Variants in MALRD1 observed in about 807,000 individuals in gnomAD.
MALRD1 encodes MAM and LDL receptor class A domain containing 1.
Under a neutral mutation model 242.1 loss-of-function variants are expected in MALRD1, and 247 were observed. That is an observed-to-expected ratio of 1.02 (90% confidence interval 0.92 to 1.13). MALRD1 has a LOEUF of 1.13. MALRD1 is among the 50% of genes most tolerant of loss of function. The probability of loss-of-function intolerance (pLI) is 0.00; values close to 1 mark genes in which losing one functional copy is unlikely to be tolerated. For missense variants in MALRD1, 2,989 were observed against 2,533.1 expected (o/e 1.18, Z -3.86); for synonymous variants, 995 against 866.6 (o/e 1.15, Z -2.60).
intron 32 of MALRD1, among the ~76,000 whole-genome samples, chr10:19,541,226 G>A (rs901353011): frequency 1.3e-5 from 2 of 152,128 alleles, no homozygotes; most frequent in African/African-American, 4.8e-5. Context: ...CATGGCCATT[G>A]TTTTTACAAG....
chr10:19,274,464 AAGAC>A (rs1840403023), intron 19 of MALRD1, among the ~76,000 whole-genome samples: 2 of 152,200 alleles, frequency 1.3e-5, no homozygotes, highest in African/African-American at 4.8e-5. Context: ...CCTTTATAAA[AAGAC>A]AGGAGAGAGC....
chr10:19,701,754 C>T (rs537868961), intron 38 of MALRD1, among the ~76,000 whole-genome samples: 45 of 127,276 alleles, frequency 3.5e-4, no homozygotes, highest in African/African-American at 1.3e-3. Flanking sequence ...CTCCCTTCCT[C>T]TCCCTTCCCC....
chr10:19,379,833 T>G (rs1845759928), intron 26 of MALRD1, among the ~76,000 whole-genome samples: 2 of 152,182 alleles, frequency 1.3e-5, no homozygotes, highest in Non-Finnish European at 2.9e-5. Context: ...ATACATTTAC[T>G]TTCTGTTTTA....
intron 8 of MALRD1, among the ~76,000 whole-genome samples, chr10:19,130,845 A>G (rs1291403097): frequency 3.3e-5 from 5 of 152,176 alleles, no homozygotes; most frequent in East Asian, 3.8e-4. Context: ...ATTGGCTTCA[A>G]GTGTTACATC....
chr10:19,687,858 C>G (rs1842640061), intron 36 of MALRD1, among the ~76,000 whole-genome samples: 1 of 151,794 alleles, frequency 6.6e-6, no homozygotes, highest in Non-Finnish European at 1.5e-5. Flanking sequence ...TGGAGAAAAT[C>G]ACTGTAACAT....
At chr10:19,603,668 G>A (rs1388848379) in intron 34 of MALRD1, among the ~76,000 whole-genome samples, 1 of 152,134 alleles carries the variant, frequency 6.6e-6, no homozygotes, top group East Asian at 1.9e-4. Context: ...GATTGTCTTG[G>A]CAATGCGGGC....
At chr10:19,081,839 T>C (rs1835500923) in intron 2 of MALRD1, among the ~76,000 whole-genome samples, 1 of 152,044 alleles carries the variant, frequency 6.6e-6, no homozygotes, top group Non-Finnish European at 1.5e-5. Context: ...CTTTTGGTTA[T>C]TGTTTTTATA....
At position 19,327,573 on chromosome 10, in the gene MALRD1, A is replaced by G. The variant is rs1843188798; in HGVS notation, c.3587A>G (p.Lys1196Arg). 6.5e-7 allele frequency: 1 copy of G among 1,549,530 alleles called. No individual in the cohort carries two copies. The highest frequency in any genetic ancestry group is 8.7e-7 in the Non-Finnish European group (1 of 1,146,142). Residue 1196 changes from lysine to arginine, a missense_variant, in exon 23 of 40, where the codon AAG becomes AGG. Lys to Arg is a conservative substitution (Grantham distance 26). Coordinates refer to ENST00000454679, the MANE Select transcript of MALRD1 (RefSeq NM_001142308.3). ...GATTTATCTCTATAGGTGCTCATCA[A>G]GAAAGATAACGTTACTTCTAAATTG... ...ATVGSLQVLI[K>R]KDNVTSKLWA...
rs544128972 is a variant in MALRD1, at chr10:19,464,588, C to T, written c.5029+14098C>T. On this transcript the variant is annotated intron_variant, in intron 29 of 39. Transcript: ENST00000454679. ...GGTCTATGTTCCTATTTTTATACCA[C>T]TACCATGCTGTTTTGGTGACTATGG... 6.6e-5 allele frequency among the ~76,000 whole-genome samples: 10 copies of T among 152,214 alleles called. No homozygotes were observed. In the South Asian group the frequency reaches 2.1e-3, roughly 32 times the overall value.
intron 18 of MALRD1, among the ~76,000 whole-genome samples, chr10:19,236,569 T>C (rs1423083159): frequency 6.6e-6 from 1 of 152,162 alleles, no homozygotes; most frequent in African/African-American, 2.4e-5. Context: ...CCTCTCACTC[T>C]TACTTCCTAA....
At chr10:19,464,982 A>G (rs67506325) in intron 29 of MALRD1, among the ~76,000 whole-genome samples, 51,590 of 147,396 alleles carry the variant, frequency 0.35, 9,388 homozygotes, top group East Asian at 0.43. Context: ...GCTCTTGTAA[A>G]AGTGGTTGAG....
At chr10:19,250,278 T>C (rs186981191) in intron 18 of MALRD1, among the ~76,000 whole-genome samples, 7 of 152,140 alleles carry the variant, frequency 4.6e-5, no homozygotes, top group Admixed American at 3.3e-4. Context: ...TCAATAGCTC[T>C]GAACCTTCTT....
At chr10:19,206,598 T>C (rs1340009966) in intron 17 of MALRD1, among the ~76,000 whole-genome samples, 1 of 152,190 alleles carries the variant, frequency 6.6e-6, no homozygotes, top group Non-Finnish European at 1.5e-5. Context: ...AAAATACTTC[T>C]TGCGATTATG....
chr10:19,200,213 A>G (rs550644650), intron 14 of MALRD1, among the ~76,000 whole-genome samples: 1 of 152,314 alleles, frequency 6.6e-6, no homozygotes, highest in African/African-American at 2.4e-5. Flanking sequence ...GTATTAACAG[A>G]TGTTTTTCAC....
chr10:19,589,856 T>G (rs1201222732), intron 33 of MALRD1, among the ~76,000 whole-genome samples: 3 of 152,214 alleles, frequency 2.0e-5, no homozygotes, highest in African/African-American at 7.2e-5. Flanking sequence ...TATTTTCGTT[T>G]GCTTTCCTGA....
chr10:19,374,577 C>T (rs578026953), intron 26 of MALRD1, among the ~76,000 whole-genome samples: 3 of 152,220 alleles, frequency 2.0e-5, no homozygotes, highest in East Asian at 1.9e-4. Flanking sequence ...AAATGACATG[C>T]GTATAGTTTC....
chr10:19,661,025 C>T (rs1172668689), intron 36 of MALRD1, among the ~76,000 whole-genome samples: 1 of 152,104 alleles, frequency 6.6e-6, no homozygotes, highest in Non-Finnish European at 1.5e-5. Flanking sequence ...CCAACAGACA[C>T]ATGAAAAAAT....
intron 11 of MALRD1, among the ~76,000 whole-genome samples, chr10:19,153,492 G>C (rs544954356): frequency 3.8e-4 from 58 of 152,170 alleles, no homozygotes; most frequent in Non-Finnish European, 6.9e-4. Context: ...AAGGCAGGAG[G>C]ATTGCTTGAG....
At chr10:19,176,385 T>TTTTA (rs1835242104) in intron 14 of MALRD1, among the ~76,000 whole-genome samples, 1 of 130,470 alleles carries the variant, frequency 7.7e-6, no homozygotes. Flanking sequence ...TTTTTTTTTT[T>TTTTA]GAGACGGAGT....
Sources: allele counts gnomAD v4.1 joint callset (sites outside exome capture counted in the v4.1 genomes callset), GRCh38; gene constraint gnomAD v4.1.1; transcripts MANE v1.5; gene names NCBI Gene and HGNC (gene_info 2026-07-23, HGNC 2026-07-21).